Variants in TERF2IP observed in about 807,000 individuals in gnomAD.
TERF2IP encodes telomeric repeat-binding factor 2-interacting protein 1.
Under a neutral mutation model 33.3 loss-of-function variants are expected in TERF2IP, and 35 were observed. The ratio of observed to expected loss-of-function variants is 1.05; its 90% CI spans 0.80 to 1.39. The LOEUF (loss-of-function observed/expected upper bound fraction) is 1.39, where lower values mean the gene tolerates loss of function less well. Ranked by LOEUF, TERF2IP falls within the 40% of genes most tolerant of loss-of-function variation. TERF2IP has a pLI of 0.00. For synonymous variants in TERF2IP, 253 were observed against 223.2 expected, an observed-to-expected ratio of 1.13 and a Z score of -1.19; for missense variants, 583 against 524.8, an observed-to-expected ratio of 1.11 and a Z score of -1.08.
chr16:75,655,931 T>C (rs1485191431), intron 2 of TERF2IP, among the ~76,000 whole-genome samples: 1 of 152,188 alleles, frequency 6.6e-6, no homozygotes, highest in South Asian at 2.1e-4. Context: ...TCTATTGGAA[T>C]ACTATAGTCA....
chr16:75,649,646 A>T (rs1194631941), intron 1 of TERF2IP, among the ~76,000 whole-genome samples: 2 of 152,086 alleles, frequency 1.3e-5, no homozygotes, highest in African/African-American at 4.8e-5. Context: ...ACTCCTTTTT[A>T]AAAAAGATTG....
chr16:75,650,749 C>T (rs1244350638), intron 1 of TERF2IP, among the ~76,000 whole-genome samples: 2 of 152,080 alleles, frequency 1.3e-5, no homozygotes, highest in South Asian at 2.1e-4. Context: ...GTTGCCCAGG[C>T]TGGTCTCGAA....
At chr16:75,649,049 A>G (rs2082326606) in intron 1 of TERF2IP, among the ~76,000 whole-genome samples, 1 of 148,552 alleles carries the variant, frequency 6.7e-6, no homozygotes, top group African/African-American at 2.5e-5. Context: ...AAATTGTTGT[A>G]GAGATGGGGG....
chr16:75,649,942 C>T (rs561928972), intron 1 of TERF2IP, among the ~76,000 whole-genome samples: 2 of 152,350 alleles, frequency 1.3e-5, no homozygotes, highest in East Asian at 1.9e-4. Context: ...TCTCCTCCCC[C>T]TCCGTAATCC....
chr16:75,653,154 C>T (rs894856455), intron 1 of TERF2IP, among the ~76,000 whole-genome samples: 3 of 151,942 alleles, frequency 2.0e-5, no homozygotes, highest in Non-Finnish European at 4.4e-5. Flanking sequence ...TTTGTTTTTC[C>T]ATTAATGTAT....
At chr16:75,652,802 T>C (rs1392941222) in intron 1 of TERF2IP, among the ~76,000 whole-genome samples, 1 of 152,224 alleles carries the variant, frequency 6.6e-6, no homozygotes, top group African/African-American at 2.4e-5. Flanking sequence ...GTTGGGCAAC[T>C]GTCACCACCA....
At chr16:75,652,057 C>T (rs914388740) in intron 1 of TERF2IP, among the ~76,000 whole-genome samples, 2 of 152,118 alleles carry the variant, frequency 1.3e-5, no homozygotes, top group African/African-American at 2.4e-5. Context: ...ACATTTATAA[C>T]GTATATTCCC....
intron 1 of TERF2IP, 122 bp downstream of exon 1, chr16:75,648,674 G>C (rs1427059570): frequency 1.5e-5 from 22 of 1,433,850 alleles, no homozygotes; most frequent in Non-Finnish European, 1.9e-5. Context: ...GCCCCCTGTT[G>C]ACATCCGGGT....
rs1361371267 is a variant in TERF2IP, at chr16:75,656,302, G to T, written c.891G>T (p.Glu297Asp). Residue 297 changes from glutamate (E) to aspartate (D), a missense_variant, in exon 3 of 3, where the codon GAG (glutamate) becomes GAT (aspartate). Glu to Asp is a conservative substitution (Grantham distance 45). Transcript: ENST00000300086. ...PEEDSETQPD[E>D]EEEEEEEKVS... ...AAGACTCAGAAACACAGCCTGATGA[G>T]GAGGAAGAAGAAGAAGAAGAAAAAG... 6.2e-7 allele frequency: 1 copy of T among 1,614,020 alleles called. No individual in the cohort carries two copies. The highest frequency in any genetic ancestry group is 1.3e-5 in the African/African-American group (1 of 74,900).
At chr16:75,651,326 A>G (rs1396911652) in intron 1 of TERF2IP, among the ~76,000 whole-genome samples, 1 of 152,094 alleles carries the variant, frequency 6.6e-6, no homozygotes, top group Non-Finnish European at 1.5e-5. Flanking sequence ...GAAATGGAAC[A>G]GGAAGTTCCC....
chr16:75,648,496 CCTCCCAGAAG>C lies in TERF2IP; in HGVS notation c.618_627del (p.Gln207SerfsTer30). On this transcript the variant is annotated frameshift_variant, in exon 1 of 3. Coordinates refer to ENST00000300086, the MANE Select transcript of TERF2IP (RefSeq NM_018975.4). LOFTEE classifies it high-confidence loss of function. ...CTGGGGGACGCGCCGGTGAGCCCCT[CCTCCCAGAAG>C]CTCAAGCGGAAGGCGGAGGAGGACC... 1 of 1,587,774 alleles carries C rather than the reference CCTCCCAGAAG, an allele frequency of 6.3e-7. No individual in the cohort carries two copies. The highest frequency in any genetic ancestry group is 8.6e-7 in the Non-Finnish European group (1 of 1,167,130).
At position 75,656,571 on chromosome 16, in the gene TERF2IP, C is replaced by T. The variant is rs775948883; in HGVS notation, c.1160C>T (p.Ala387Val). The T allele has an allele frequency of 5.0e-6, 8 of 1,611,920 alleles. No homozygotes were observed. The East Asian group carries it at 1.6e-4, about 31-fold the overall frequency. The change falls in exon 3 of 3, where the codon GCT becomes GTT. Residue 387 changes from alanine (A) to valine (V), a missense_variant. Coordinates refer to ENST00000300086, the MANE Select transcript of TERF2IP (RefSeq NM_018975.4). The part of the protein sequence containing the change: ...TREALVKKFG[A>V]QNVARRIEFR... The stretch of plus-strand genomic sequence containing the variant: ...GAGGCATTGGTCAAAAAATTTGGTG[C>T]TCAGAATGTAGCTCGGAGGATTGAA...
rs1478827392 is a variant in TERF2IP, at chr16:75,647,796, C to G, written c.-87C>G. ...CCAGTGCTGCGCTTCGCGGCAGAGG[C>G]GTCTGCGGTGACAGCTCAGTCAGTT... On this transcript the variant is annotated 5_prime_UTR_variant, in exon 1 of 3. Transcript: ENST00000300086. The G allele has an allele frequency of 5.7e-6, 9 of 1,582,540 alleles. No individual in the cohort carries two copies. The highest frequency in any genetic ancestry group is 1.7e-6 in the Non-Finnish European group (2 of 1,154,960).
intron 1 of TERF2IP, among the ~76,000 whole-genome samples, chr16:75,649,657 C>G (rs992429512): frequency 6.6e-6 from 1 of 152,062 alleles, no homozygotes; most frequent in African/African-American, 2.4e-5. Context: ...AAAAAGATTG[C>G]TGTTATGTTC....
rs2082390629 is a variant in TERF2IP, at chr16:75,656,805, G to A, written c.*194G>A. On this transcript the variant is annotated 3_prime_UTR_variant, in exon 3 of 3. Transcript: ENST00000300086. ...AGGGGGATAAAAAGAAAAGAAATTG[G>A]ATGTATTTACAGCTGTCCTTGAACA... 2.7e-5 allele frequency: 16 copies of A among 587,422 alleles called. No individual in the cohort carries two copies. Among genetic ancestry groups the A allele is most frequent in the Non-Finnish European group, 4.8e-5 (16 of 335,758 alleles). The allele number at this position is 587,422 out of a possible 1,614,324, so 36.4% of individuals were successfully genotyped here.
At position 75,654,188 on chromosome 16, in the gene TERF2IP, C is replaced by T. The variant is rs1189525862; in HGVS notation, c.671-85C>T. ...AAAAAAAAAAAGTGCAGGCTCACTC[C>T]TGGCCCAGAGCTCACACAGCAAATA... On this transcript the variant is annotated intron_variant, in intron 1 of 2. Transcript: ENST00000300086. 3 of 1,149,956 alleles carry T rather than the reference C, an allele frequency of 2.6e-6. No homozygotes were observed. The African/African-American group carries it at 4.8e-5, about 18-fold the overall frequency. 71.2% of individuals were successfully genotyped at this position (1,149,956 alleles called of 1,614,324 possible).
chr16:75,656,911 A>G lies in TERF2IP; in HGVS notation c.*300A>G. ...AGTAGTAATCCATTGTTGGAATGGA[A>G]CCCTTGCTATAGTAGTGACAAAGTG... On this transcript the variant is annotated 3_prime_UTR_variant, in exon 3 of 3. Transcript: ENST00000300086. The G allele has an allele frequency of 3.4e-6, 1 of 290,094 alleles. No individual in the cohort carries two copies. Among genetic ancestry groups the G allele is most frequent in the Non-Finnish European group, 6.4e-6 (1 of 155,780 alleles). The allele number at this position is 290,094 out of a possible 1,614,324, so 18.0% of individuals were successfully genotyped here.
rs2082388919 is a variant in TERF2IP at position 75,656,592 on chromosome 16, T to C, written c.1181T>C (p.Ile394Thr). 8 of 1,594,340 alleles carry C rather than the reference T, an allele frequency of 5.0e-6. No individual in the cohort carries two copies. The East Asian group carries it at 6.7e-5, about 13-fold the overall frequency. ...KFGAQNVARR[I>T]EFRKK ...GGTGCTCAGAATGTAGCTCGGAGGATTGAATTTCGAAAGAAATAATTGGCA... is the reference window on the plus strand; with the variant it reads ...GGTGCTCAGAATGTAGCTCGGAGGACTGAATTTCGAAAGAAATAATTGGCA... The change falls in exon 3 of 3, where the codon ATT (isoleucine) becomes ACT (threonine). Residue 394 changes from isoleucine (I) to threonine (T), a missense_variant. Physicochemically the swap from Ile to Thr is moderately conservative, Grantham distance 89. Coordinates refer to ENST00000300086, the MANE Select transcript of TERF2IP (RefSeq NM_018975.4).
chr16:75,648,105 T>A lies in TERF2IP; in HGVS notation c.223T>A (p.Ser75Thr). The change falls in exon 1 of 3, where the codon TCG (serine) becomes ACG (threonine). Residue 75 changes from serine (S) to threonine (T), a missense_variant. Physicochemically the swap from Ser to Thr is moderately conservative, Grantham distance 58. Coordinates refer to ENST00000300086, the MANE Select transcript of TERF2IP (RefSeq NM_018975.4). ...GCCCGGGGAGGCGCTGGCCGAGGCC[T>A]CGGGTGATTTCATCTCCACGCAGTA... ...AQPGEALAEA[S>T]GDFISTQYIL... 1.3e-6 allele frequency: 2 copies of A among 1,557,302 alleles called. No homozygotes were observed. The highest frequency in any genetic ancestry group is 1.4e-5 in the African/African-American group (1 of 73,866).
Sources: allele counts gnomAD v4.1 joint callset (sites outside exome capture counted in the v4.1 genomes callset), GRCh38; gene constraint gnomAD v4.1.1; transcripts MANE v1.5; gene names NCBI Gene and HGNC (gene_info 2026-07-23, HGNC 2026-07-21).